Variants in TFDP2 observed in about 807,000 individuals in gnomAD.
TFDP2 encodes the protein transcription factor Dp-2 (E2F dimerization partner 2).
A neutral mutation model predicts 59.3 loss-of-function variants in TFDP2; 17 were observed. That is an observed-to-expected ratio of 0.29 (90% confidence interval 0.20 to 0.43). The LOEUF (loss-of-function observed/expected upper bound fraction) is 0.43. Among genes scored for constraint, TFDP2 ranks in the 20% least tolerant of loss-of-function variants. The pLI is 1.00. For synonymous variants in TFDP2, 180 were observed against 194.7 expected, an observed-to-expected ratio of 0.92 and a Z score of 0.63; for missense variants, 391 against 528.8, an observed-to-expected ratio of 0.74 and a Z score of 2.56.
chr3:141,953,147 T>A (rs1936125445), intron 11 of TFDP2, 131 bp from the exon 12 acceptor site: 1 of 560,478 alleles, frequency 1.8e-6, no homozygotes, highest in Non-Finnish European at 3.0e-6. Flanking sequence ...ATTCTCTTGC[T>A]GTGACAAGAA....
Position 141,952,875 on chromosome 3 carries a change from G to A in TFDP2, c.1157+36C>T, listed in dbSNP as rs376888973. 5 of 1,587,690 alleles carry A rather than the reference G, an allele frequency of 3.1e-6. No individual in the cohort carries two copies. The African/African-American group carries it at 5.4e-5, about 17-fold the overall frequency. Reference sequence around the variant, plus strand: ...CCCCTACACAGACAGTCAGGGCTCTGGGGTTTGCCTTTCTAACCCTGAAAA... The same window carrying A: ...CCCCTACACAGACAGTCAGGGCTCTAGGGTTTGCCTTTCTAACCCTGAAAA... On this transcript the variant is annotated intron_variant, in intron 12 of 12. Transcript: ENST00000489671.
At chr3:142,111,640 AAAGC>A (rs1430748516) in intron 1 of TFDP2, among the ~76,000 whole-genome samples, 1 of 152,158 alleles carries the variant, frequency 6.6e-6, no homozygotes, top group Admixed American at 6.5e-5. Flanking sequence ...CAAAGGAAGA[AAAGC>A]ATGTGGGAGG....
At chr3:141,959,456 G>A (rs921698177) in intron 11 of TFDP2, among the ~76,000 whole-genome samples, 1 of 152,108 alleles carries the variant, frequency 6.6e-6, no homozygotes, top group Non-Finnish European at 1.5e-5. Context: ...AGATGTAATA[G>A]TATATAATGT....
intron 3 of TFDP2, among the ~76,000 whole-genome samples, chr3:142,047,028 C>A (rs1391146247): frequency 1.3e-5 from 2 of 152,110 alleles, no homozygotes; most frequent in Non-Finnish European, 2.9e-5. Context: ...TACAATCTTA[C>A]ATAAACAGAA....
chr3:142,034,875 T>A (rs1946617665), intron 3 of TFDP2, among the ~76,000 whole-genome samples: 1 of 151,924 alleles, frequency 6.6e-6, no homozygotes, highest in South Asian at 2.1e-4. Context: ...ACCCAGCTAA[T>A]TTTTGTATAT....
rs116252694 is a variant in TFDP2 at position 142,147,881 on chromosome 3, C to T, written c.-93+1302G>A. ...GGACACTGCCATTAAAGATTAATTA[C>T]AGTAATCTGATAGTGATAAAGTTTA... On this transcript the variant is annotated intron_variant, in intron 1 of 12. Coordinates refer to ENST00000489671, the MANE Select transcript of TFDP2 (RefSeq NM_001178139.2). 3.9e-3 allele frequency among the ~76,000 whole-genome samples: 592 copies of T among 152,122 alleles called. 1 individual carries two copies. Among genetic ancestry groups the T allele is most frequent in the Admixed American group, 6.2e-3 (94 of 15,284 alleles).
At chr3:142,044,297 G>C (rs139527225) in intron 3 of TFDP2, 2,009 of 194,950 alleles carry the variant, frequency 0.01, 50 homozygotes, top group African/African-American at 0.053. Context: ...GCAGTGGCGC[G>C]ATCTTGGCTC....
intron 3 of TFDP2, among the ~76,000 whole-genome samples, chr3:142,082,128 TAG>T (rs2060657345): frequency 6.6e-6 from 1 of 152,070 alleles, no homozygotes; most frequent in South Asian, 2.1e-4. Flanking sequence ...GCCACGACAT[TAG>T]AGTCTCACAG....
chr3:142,064,195 G>A (rs1173983473), intron 3 of TFDP2, among the ~76,000 whole-genome samples: 1 of 152,066 alleles, frequency 6.6e-6, no homozygotes, highest in Non-Finnish European at 1.5e-5. Context: ...CAAGCGATCT[G>A]TCCACCTCGG....
rs79620871 is a variant in TFDP2 at position 141,980,519 on chromosome 3, G to A, written c.357-1837C>T. Among the ~76,000 whole-genome samples, 294 of 151,714 alleles carry A rather than the reference G, an allele frequency of 1.9e-3. 1 individual carries two copies. The highest frequency in any genetic ancestry group is 6.8e-3 in the African/African-American group (281 of 41,410). ...ATTCATTGTATCTAAGTGTATTTTT[G>A]GACCCATTAATATGTTTGTGTTTTT... On this transcript the variant is annotated intron_variant, in intron 6 of 12. Coordinates refer to ENST00000489671, the MANE Select transcript of TFDP2 (RefSeq NM_001178139.2).
chr3:142,068,003 TAA>T (rs750432367), intron 3 of TFDP2, among the ~76,000 whole-genome samples: 50 of 115,748 alleles, frequency 4.3e-4, no homozygotes, highest in Admixed American at 7.3e-4. Context: ...GACTCTAGCT[TAA>T]AAAAAAAAAA....
chr3:142,083,966 C>G lies in TFDP2; in HGVS notation c.82+9095G>C, dbSNP rs141893033. ...TGGGCAAGAATTTCTTGAGCAGGACCCCACAAGCACAGGCAACCAAAGCAA... is the reference window on the plus strand; with the variant it reads ...TGGGCAAGAATTTCTTGAGCAGGACGCCACAAGCACAGGCAACCAAAGCAA... On this transcript the variant is annotated intron_variant, in intron 3 of 12. Coordinates refer to ENST00000489671, the MANE Select transcript of TFDP2 (RefSeq NM_001178139.2). Among the ~76,000 whole-genome samples, 173 of 152,188 alleles carry G rather than the reference C, an allele frequency of 1.1e-3. 2 individuals are homozygous for G. The highest frequency in any genetic ancestry group is 4.0e-3 in the African/African-American group (165 of 41,520).
At chr3:142,101,862 G>C (rs1231961642) in intron 1 of TFDP2, 21 bp from the exon 2 acceptor site, 3 of 528,620 alleles carry the variant, frequency 5.7e-6, no homozygotes, top group African/African-American at 1.9e-5. Flanking sequence ...AAAACAGAGG[G>C]AATAGTAATG....
At chr3:142,095,779 C>T (rs2061141530) in intron 2 of TFDP2, among the ~76,000 whole-genome samples, 2 of 152,140 alleles carry the variant, frequency 1.3e-5, no homozygotes, top group African/African-American at 4.8e-5. Flanking sequence ...TTAAACTCTT[C>T]TGCTATAGGA....
intron 2 of TFDP2, among the ~76,000 whole-genome samples, chr3:142,093,737 T>C (rs2061073738): frequency 6.6e-6 from 1 of 152,186 alleles, no homozygotes; most frequent in African/African-American, 2.4e-5. Flanking sequence ...AGAAGTAAAA[T>C]ACATTGGCCT....
chr3:141,952,594 G>A lies in TFDP2; in HGVS notation c.1260C>T (p.Ser420=), dbSNP rs751382334. The part of the protein sequence containing the change: ...HQSSSAASHC[S]ESRGETPCSF... ...AACAGGGGGTCTCGCCTCGGGACTC[G>A]GAGCAGTGAGAGGCCGCACTGCTGG... The change falls in exon 13 of 13, where the codon TCC becomes TCT. Residue 420 remains serine, a synonymous_variant. Transcript: ENST00000489671. 25 of 1,576,606 alleles carry A rather than the reference G, an allele frequency of 1.6e-5. No homozygotes were observed. The highest frequency in any genetic ancestry group is 1.9e-5 in the Non-Finnish European group (22 of 1,170,332).
At chr3:141,999,699 C>G (rs1301627981) in intron 4 of TFDP2, among the ~76,000 whole-genome samples, 1 of 151,434 alleles carries the variant, frequency 6.6e-6, no homozygotes, top group Non-Finnish European at 1.5e-5. Flanking sequence ...AAAAAGAAGG[C>G]TAAGAAGCAA....
At chr3:141,973,078 C>T (rs191370141) in intron 8 of TFDP2, among the ~76,000 whole-genome samples, 373 of 139,838 alleles carry the variant, frequency 2.7e-3, no homozygotes, top group Non-Finnish European at 3.7e-3. Context: ...TCTTAATTAT[C>T]TCCCAAAGCT....
rs576853010 is a variant in TFDP2 at position 141,999,925 on chromosome 3, C to T, written c.187-4784G>A. On this transcript the variant is annotated intron_variant, in intron 4 of 12. Transcript: ENST00000489671. ...TAATTTTTTGTACTTTTAGTAGAGACGGGGTTTCACCTTGTTAGCCAGGAT... is the reference window on the plus strand; with the variant it reads ...TAATTTTTTGTACTTTTAGTAGAGATGGGGTTTCACCTTGTTAGCCAGGAT... 3.2e-3 allele frequency among the ~76,000 whole-genome samples: 486 copies of T among 152,138 alleles called. 1 individual carries two copies. Among genetic ancestry groups the T allele is most frequent in the African/African-American group, 0.011 (458 of 41,520 alleles).
Sources: gnomAD v4.1 joint callset for allele counts (sites outside exome capture counted in the v4.1 genomes callset) on GRCh38, gnomAD v4.1.1 for gene constraint, MANE v1.5 for transcripts, NCBI Gene and HGNC (gene_info 2026-07-23, HGNC 2026-07-21) for gene names.